AFAP1L1: variants seen among roughly 807,000 people sequenced by gnomAD.
The protein encoded by AFAP1L1 is actin filament-associated protein 1-like 1.
AFAP1L1 carries 77 observed loss-of-function variants against 99.8 expected under a neutral mutation model. The ratio of observed to expected loss-of-function variants is 0.77; its 90% CI spans 0.64 to 0.93. The LOEUF is 0.93. AFAP1L1 is among the 40% of genes least tolerant of loss of function. AFAP1L1 has a pLI of 0.00. For synonymous variants in AFAP1L1, 373 were observed against 395.3 expected (o/e 0.94, Z 0.67); for missense variants, 893 against 996.8 (o/e 0.90, Z 1.40).
At chr5:149,322,330 G>A (rs897380056) in intron 14 of AFAP1L1, among the ~76,000 whole-genome samples, 1 of 152,090 alleles carries the variant, frequency 6.6e-6, no homozygotes, top group African/African-American at 2.4e-5. Flanking sequence ...ATCAAATATA[G>A]CCACCCACAG....
Position 149,306,616 on chromosome 5 carries a change from C to T in AFAP1L1, c.535+212C>T, listed in dbSNP as rs558422522. ...TCAGAAGGCCTGGATCTAACCCTTT[C>T]CCTGACTTTTGATAACTGATCTTAG... On this transcript the variant is annotated intron_variant, in intron 6 of 18. Transcript: ENST00000296721. Among the ~76,000 whole-genome samples the T allele has an allele frequency of 4.6e-5, 7 of 152,356 alleles. No homozygotes were observed. In the South Asian group the frequency reaches 1.0e-3, roughly 23 times the overall value.
At position 149,338,821 on chromosome 5, in the gene AFAP1L1, A is replaced by C. The variant is rs370103671; in HGVS notation, c.2284-1186A>C. Among the ~76,000 whole-genome samples, 4 of 152,346 alleles carry C rather than the reference A, an allele frequency of 2.6e-5. No homozygotes were observed. The South Asian group carries it at 8.3e-4, about 32-fold the overall frequency. On this transcript the variant is annotated intron_variant, in intron 18 of 18. Coordinates refer to ENST00000296721, the MANE Select transcript of AFAP1L1 (RefSeq NM_152406.4). Reference sequence around the variant, plus strand: ...AGACCTGAATGGAGTGTGAGGGAGAAACCCATGCAGGGGGCTGAGGGAAGG... The same window carrying C: ...AGACCTGAATGGAGTGTGAGGGAGACACCCATGCAGGGGGCTGAGGGAAGG...
chr5:149,289,992 G>A (rs1279928822), intron 1 of AFAP1L1, among the ~76,000 whole-genome samples: 1 of 152,260 alleles, frequency 6.6e-6, no homozygotes, highest in African/African-American at 2.4e-5. Flanking sequence ...CCAGCACTTT[G>A]GGAGGCCGAG....
chr5:149,319,741 G>C lies in AFAP1L1; in HGVS notation c.1625+14G>C. 6.2e-7 allele frequency: 1 copy of C among 1,610,256 alleles called. No homozygotes were observed. Reference sequence around the variant, plus strand: ...CAACTCCTTCCTGTAAGTGTCAGCTGCACTGGCCACACCTGCCCAGGACCT... The same window carrying C: ...CAACTCCTTCCTGTAAGTGTCAGCTCCACTGGCCACACCTGCCCAGGACCT... On this transcript the variant is annotated intron_variant, in intron 13 of 18. Transcript: ENST00000296721.
At position 149,298,744 on chromosome 5, in the gene AFAP1L1, C is replaced by T. The variant is rs560699934; in HGVS notation, c.17-765C>T. Among the ~76,000 whole-genome samples, 5 of 152,342 alleles carry T rather than the reference C, an allele frequency of 3.3e-5. No homozygotes were observed. The South Asian group carries it at 1.0e-3, about 32-fold the overall frequency. On this transcript the variant is annotated intron_variant, in intron 1 of 18. Transcript: ENST00000296721. ...TCAGTGACATCATGGTCTTGGCACA[C>T]TGAAGTCCTTAAAGGACTCTGTGCT...
intron 5 of AFAP1L1, among the ~76,000 whole-genome samples, chr5:149,303,661 G>A (rs1756303236): frequency 6.6e-6 from 1 of 152,022 alleles, no homozygotes; most frequent in Non-Finnish European, 1.5e-5. Flanking sequence ...AATTCCATTT[G>A]TTTTTTTAAA....
At chr5:149,327,815 CAT>C (rs1401369936) in intron 15 of AFAP1L1, among the ~76,000 whole-genome samples, 8 of 152,038 alleles carry the variant, frequency 5.3e-5, no homozygotes, top group African/African-American at 1.4e-4. Context: ...AGTGCACAAA[CAT>C]ATGTGTAGAG....
chr5:149,286,163 C>A (rs138404264), intron 1 of AFAP1L1, among the ~76,000 whole-genome samples: 2 of 152,162 alleles, frequency 1.3e-5, no homozygotes, highest in Admixed American at 1.3e-4. Flanking sequence ...AGATAATAAT[C>A]ATATCATCAG....
chr5:149,297,531 G>A (rs1019229701), intron 1 of AFAP1L1, among the ~76,000 whole-genome samples: 13 of 152,202 alleles, frequency 8.5e-5, no homozygotes, highest in African/African-American at 3.1e-4. Flanking sequence ...TCAGTGTCTA[G>A]CAGCTGAGAG....
At chr5:149,338,702 A>G (rs1311870234) in intron 18 of AFAP1L1, among the ~76,000 whole-genome samples, 1 of 152,192 alleles carries the variant, frequency 6.6e-6, no homozygotes, top group East Asian at 1.9e-4. Context: ...ACCACACATA[A>G]ATAAAGAATG....
At chr5:149,301,060 A>T (rs575444310) in intron 3 of AFAP1L1, 73 bp from the exon 4 acceptor site, 4 of 1,415,166 alleles carry the variant, frequency 2.8e-6, no homozygotes, top group Non-Finnish European at 3.9e-6. Context: ...CCTGACCCCA[A>T]ATCCAGCCCT....
At chr5:149,333,842 T>C (rs1389815057) in intron 17 of AFAP1L1, among the ~76,000 whole-genome samples, 1 of 152,180 alleles carries the variant, frequency 6.6e-6, no homozygotes, top group Non-Finnish European at 1.5e-5. Flanking sequence ...CTGACCCTGG[T>C]TGGTCTAAAT....
intron 12 of AFAP1L1, 82 bp from the exon 13 acceptor site, chr5:149,319,500 T>C (rs982322183): frequency 6.7e-6 from 10 of 1,485,840 alleles, no homozygotes; most frequent in Non-Finnish European, 9.1e-6. Flanking sequence ...TACAAATATT[T>C]CTGGGTTTGG....
chr5:149,317,752 C>T lies in AFAP1L1; in HGVS notation c.1291C>T (p.Gln431Ter). The T allele has an allele frequency of 1.9e-6, 3 of 1,614,044 alleles. No individual in the cohort carries two copies. The highest frequency in any genetic ancestry group is 2.5e-6 in the Non-Finnish European group (3 of 1,179,984). The change falls in exon 12 of 19, where the codon CAG (glutamine) becomes TAG (stop). Residue 431 changes from glutamine (Q) to a stop codon, truncating the protein, a stop_gained. Transcript: ENST00000296721. LOFTEE classifies it high-confidence loss of function. ...AGGCTACCTGAACGTGCTGGTGAAC[C>T]AGGGCTGGAAGGAACGCTGGTGCCG... ...CCGYLNVLVN[Q>*]GWKERWCRLK...
At chr5:149,322,831 T>A (rs758648315) in intron 15 of AFAP1L1, 114 bp downstream of exon 15, 9 of 782,066 alleles carry the variant, frequency 1.2e-5, no homozygotes, top group Non-Finnish European at 1.6e-5. Flanking sequence ...CAAAGTGAGA[T>A]GCAAGAAAAT....
intron 16 of AFAP1L1, among the ~76,000 whole-genome samples, chr5:149,330,657 C>T (rs925479648): frequency 3.9e-5 from 6 of 152,148 alleles, no homozygotes; most frequent in Non-Finnish European, 8.8e-5. Context: ...GAGGAAGGCA[C>T]AGGAAGGCAG....
At chr5:149,313,208 A>G (rs1561676228) in intron 9 of AFAP1L1, among the ~76,000 whole-genome samples, 1 of 152,014 alleles carries the variant, frequency 6.6e-6, no homozygotes, top group Non-Finnish European at 1.5e-5. Flanking sequence ...GGCTGTTAGC[A>G]AATATGTCCC....
intron 1 of AFAP1L1, among the ~76,000 whole-genome samples, chr5:149,294,107 C>T (rs1411330255): frequency 6.6e-6 from 1 of 152,054 alleles, no homozygotes; most frequent in Non-Finnish European, 1.5e-5. Flanking sequence ...TCCTTATGTC[C>T]TCTGTAGCAT....
At chr5:149,272,483 G>A (rs1755156063) in intron 1 of AFAP1L1, among the ~76,000 whole-genome samples, 2 of 152,186 alleles carry the variant, frequency 1.3e-5, no homozygotes, top group Admixed American at 1.3e-4. Context: ...GGAGGGAGGA[G>A]GCGGGGGTGG....
Sources: gnomAD v4.1 joint callset for allele counts (sites outside exome capture counted in the v4.1 genomes callset) on GRCh38, gnomAD v4.1.1 for gene constraint, MANE v1.5 for transcripts, NCBI Gene and HGNC (gene_info 2026-07-23, HGNC 2026-07-21) for gene names.